BMPR1B: variants seen among roughly 807,000 people sequenced by gnomAD.
The protein encoded by BMPR1B is bone morphogenetic protein receptor type-1B.
In BMPR1B, 12 loss-of-function variants were observed where a neutral mutation model predicts 59.1. The ratio of observed to expected loss-of-function variants is 0.20; its 90% CI spans 0.13 to 0.33. The LOEUF (loss-of-function observed/expected upper bound fraction) is 0.33. Ranked by LOEUF, BMPR1B falls within the 10% of genes least tolerant of loss-of-function variation. BMPR1B has a pLI of 1.00. For synonymous variants in BMPR1B, 237 were observed against 207.3 expected (o/e 1.14, Z -1.23); for missense variants, 550 against 610.9 (o/e 0.90, Z 1.05).
At chr4:95,036,704 C>CTTTTTTTTTTTTTTTTT (rs5860386) in intron 3 of BMPR1B, among the ~76,000 whole-genome samples, 2 of 128,094 alleles carry the variant, frequency 1.6e-5, no homozygotes, top group South Asian at 2.5e-4. Context: ...ATACAATTTC[C>CTTTTTTTTTTTTTTTTT]TTTTTTTTTT....
At chr4:95,131,543 T>A in intron 10 of BMPR1B, 31 bp downstream of exon 10, 1 of 1,609,498 alleles carries the variant, frequency 6.2e-7, no homozygotes. Flanking sequence ...ATACATGTTT[T>A]ATGACTCTTT....
At chr4:94,891,286 C>G (rs1727383753) in intron 2 of BMPR1B, among the ~76,000 whole-genome samples, 1 of 152,006 alleles carries the variant, frequency 6.6e-6, no homozygotes, top group African/African-American at 2.4e-5. Context: ...ATGAAACAAT[C>G]ACATCCTCTT....
At chr4:95,034,240 G>A (rs1725071188) in intron 3 of BMPR1B, among the ~76,000 whole-genome samples, 1 of 152,006 alleles carries the variant, frequency 6.6e-6, no homozygotes, top group Non-Finnish European at 1.5e-5. Flanking sequence ...TTTAATTTTT[G>A]TGGGTACATA....
intron 3 of BMPR1B, among the ~76,000 whole-genome samples, chr4:95,058,561 A>G (rs1024300447): frequency 3.3e-5 from 5 of 152,288 alleles, no homozygotes; most frequent in African/African-American, 1.2e-4. Flanking sequence ...ATGTAACAGG[A>G]CATCTTAAAA....
chr4:94,941,594 G>A (rs966556603), intron 2 of BMPR1B, among the ~76,000 whole-genome samples: 1 of 152,044 alleles, frequency 6.6e-6, no homozygotes, highest in Non-Finnish European at 1.5e-5. Flanking sequence ...AATTATGAAA[G>A]GTTAGCAGGT....
At chr4:94,771,322 C>A (rs34127201) in intron 1 of BMPR1B, among the ~76,000 whole-genome samples, 2,750 of 152,242 alleles carry the variant, frequency 0.018, 33 homozygotes, top group Non-Finnish European at 0.028. Flanking sequence ...GCTTCTAAAT[C>A]CATGCTCAAA....
chr4:94,758,794 C>T (rs1364702614), intron 1 of BMPR1B, among the ~76,000 whole-genome samples: 1 of 151,936 alleles, frequency 6.6e-6, no homozygotes, highest in Non-Finnish European at 1.5e-5. Context: ...TATCCTTTGC[C>T]TCTCCCCCCG....
At chr4:94,941,703 G>T (rs2149044610) in intron 2 of BMPR1B, among the ~76,000 whole-genome samples, 1 of 152,094 alleles carries the variant, frequency 6.6e-6, no homozygotes, top group African/African-American at 2.4e-5. Context: ...TTTTTTCTGG[G>T]TGTATTTTCA....
At chr4:94,873,049 AAAT>A (rs1383959644) in intron 1 of BMPR1B, among the ~76,000 whole-genome samples, 2 of 152,174 alleles carry the variant, frequency 1.3e-5, no homozygotes, top group Non-Finnish European at 1.5e-5. Context: ...CTATATCTAG[AAAT>A]AATCTATATG....
rs372887658 is a variant in BMPR1B, at chr4:95,153,775, G to A, written c.1384-773G>A. 1.8e-4 allele frequency among the ~76,000 whole-genome samples: 27 copies of A among 152,234 alleles called. No homozygotes were observed. In the South Asian group the frequency reaches 2.9e-3, roughly 16 times the overall value. Reference sequence around the variant, plus strand: ...TGATGCACGAGAATTGCTTGAACCCGGAAGGCGGAGGTTGCAATGAGCCAG... The same window carrying A: ...TGATGCACGAGAATTGCTTGAACCCAGAAGGCGGAGGTTGCAATGAGCCAG... On this transcript the variant is annotated intron_variant, in intron 12 of 12. Coordinates refer to ENST00000515059, the MANE Select transcript of BMPR1B (RefSeq NM_001203.3).
chr4:95,028,853 A>G (rs1301963821), intron 3 of BMPR1B, among the ~76,000 whole-genome samples: 1 of 152,012 alleles, frequency 6.6e-6, no homozygotes, highest in Non-Finnish European at 1.5e-5. Flanking sequence ...AAATATTAAT[A>G]TAAAGTTTAA....
chr4:95,030,414 A>G (rs1212372089), intron 3 of BMPR1B, among the ~76,000 whole-genome samples: 1 of 152,128 alleles, frequency 6.6e-6, no homozygotes, highest in Non-Finnish European at 1.5e-5. Context: ...TTTGTCAAAG[A>G]TCAGATAGTT....
At chr4:94,945,817 CTA>C (rs1231200496) in intron 2 of BMPR1B, among the ~76,000 whole-genome samples, 2 of 152,058 alleles carry the variant, frequency 1.3e-5, no homozygotes, top group Non-Finnish European at 2.9e-5. Context: ...ATTGATGTAA[CTA>C]TTATGGATCT....
At chr4:94,792,064 A>G (rs971732367) in intron 1 of BMPR1B, among the ~76,000 whole-genome samples, 1 of 152,184 alleles carries the variant, frequency 6.6e-6, no homozygotes, top group African/African-American at 2.4e-5. Context: ...TTTATCTGGC[A>G]TATTTGAATA....
chr4:95,093,544 T>C (rs1024843318), intron 3 of BMPR1B, among the ~76,000 whole-genome samples: 3 of 152,122 alleles, frequency 2.0e-5, no homozygotes, highest in African/African-American at 7.2e-5. Flanking sequence ...TTATGATTTT[T>C]TTATGTCATA....
At chr4:94,782,117 C>G (rs370941847) in intron 1 of BMPR1B, among the ~76,000 whole-genome samples, 1 of 151,082 alleles carries the variant, frequency 6.6e-6, no homozygotes, top group African/African-American at 2.4e-5. Flanking sequence ...TTTGGTAGCC[C>G]CCTTACATAT....
intron 3 of BMPR1B, 142 bp from the exon 4 acceptor site, chr4:95,104,266 T>C: frequency 2.0e-6 from 2 of 991,254 alleles, no homozygotes; most frequent in Non-Finnish European, 2.9e-6. Flanking sequence ...TTAATCAAAA[T>C]ACCAAAATGT....
intron 1 of BMPR1B, among the ~76,000 whole-genome samples, chr4:94,840,093 A>C (rs1313798184): frequency 6.6e-6 from 1 of 150,626 alleles, no homozygotes; most frequent in Non-Finnish European, 1.5e-5. Context: ...ATTGGCCCCC[A>C]CTCCCTTCTG....
At chr4:94,934,032 T>C (rs1729193613) in intron 2 of BMPR1B, among the ~76,000 whole-genome samples, 1 of 152,198 alleles carries the variant, frequency 6.6e-6, no homozygotes, top group African/African-American at 2.4e-5. Context: ...CAGTAGCTGA[T>C]GGCTCAAGGT....
Sources: gnomAD v4.1 joint callset for allele counts (sites outside exome capture counted in the v4.1 genomes callset) on GRCh38, gnomAD v4.1.1 for gene constraint, MANE v1.5 for transcripts, NCBI Gene and HGNC (gene_info 2026-07-23, HGNC 2026-07-21) for gene names.